FBXO45: variants seen among roughly 807,000 people sequenced by gnomAD.
FBXO45 encodes F-box protein 45.
In FBXO45, 3 loss-of-function variants were observed where a neutral mutation model predicts 25.5. The observed-to-expected ratio is 0.12, with a 90% CI of 0.05 to 0.30. The LOEUF is 0.30. Among genes scored for constraint, FBXO45 ranks in the 10% least tolerant of loss-of-function variants. The pLI, the probability that FBXO45 is intolerant of heterozygous loss-of-function variation, is 1.00. For synonymous variants in FBXO45, 155 were observed against 149.8 expected (o/e 1.03, Z -0.25); for missense variants, 219 against 365.0 (o/e 0.60, Z 3.26).
chr3:196,585,838 T>A lies in FBXO45; in HGVS notation c.*1520T>A, dbSNP rs1054911999. On this transcript the variant is annotated 3_prime_UTR_variant, in exon 3 of 3. Transcript: ENST00000311630. ...GTTCTTGCTGTATGTATGTTTTGTT[T>A]TAAATCTGATTAGGGACACCCAGCA... The A allele has an allele frequency of 2.0e-5, 3 of 152,228 alleles. No homozygotes were observed. The highest frequency in any genetic ancestry group is 2.1e-4 in the South Asian group (1 of 4,830). 9.4% of individuals were successfully genotyped at this position (152,228 alleles called of 1,614,324 possible). A position where few individuals can be genotyped will look rare whatever the true frequency, so the allele number is the denominator to read the frequency against.
intron 2 of FBXO45, among the ~76,000 whole-genome samples, chr3:196,582,610 A>C (rs1267316291): frequency 6.6e-6 from 1 of 151,826 alleles, no homozygotes; most frequent in African/African-American, 2.4e-5. Context: ...AACTAAAAAG[A>C]TGAAACATCC....
chr3:196,573,938 CTTTTTT>C (rs34587292), intron 1 of FBXO45, among the ~76,000 whole-genome samples: 1 of 125,768 alleles, frequency 8.0e-6, no homozygotes, highest in South Asian at 2.4e-4. Context: ...CTTTATTTTC[CTTTTTT>C]TTTTTTTTTT....
In FBXO45 at chr3:196,573,938, C is replaced by CTTT. The variant is rs34587292; in HGVS notation, c.319-3500_319-3498dup. Among the ~76,000 whole-genome samples, 175 of 125,730 alleles carry CTTT rather than the reference C, an allele frequency of 1.4e-3. 4 individuals carry two copies. The highest frequency in any genetic ancestry group is 2.3e-3 in the African/African-American group (76 of 32,644). 82.5% of individuals were successfully genotyped at this position (125,730 alleles called of 152,430 possible). ...ATTTATTAATTTGGTCTTTATTTTC[C>CTTT]TTTTTTTTTTTTTTTTTGAGACAGA... On this transcript the variant is annotated intron_variant, in intron 1 of 2. Transcript: ENST00000311630.
At position 196,569,000 on chromosome 3, in the gene FBXO45, C is replaced by A; in HGVS notation, c.16C>A (p.Pro6Thr). Residue 6 changes from proline (P) to threonine (T), a missense_variant, in exon 1 of 3, where the codon CCG becomes ACG. By Grantham distance (38) the Pro-to-Thr change is conservative. This residue lies in a region of FBXO45 where 138 missense variants were observed against 157.3 expected (regional missense o/e 0.88). Coordinates refer to ENST00000311630, the MANE Select transcript of FBXO45 (RefSeq NM_001105573.2). MAAPA[P>T]GAGAASGGAG... is the part of the protein sequence containing the mutation. ...TGGTGAGGCGATGGCGGCGCCGGCC[C>A]CGGGGGCTGGGGCAGCCTCGGGCGG... The A allele has an allele frequency of 1.0e-6, 1 of 993,794 alleles. No homozygotes were observed. Among genetic ancestry groups the A allele is most frequent in the Non-Finnish European group, 1.2e-6 (1 of 836,608 alleles). 61.6% of individuals were successfully genotyped at this position (993,794 alleles called of 1,614,324 possible). A position where few individuals can be genotyped will look rare whatever the true frequency, so the allele number is the denominator to read the frequency against.
chr3:196,575,914 C>T (rs1011009137), intron 1 of FBXO45, among the ~76,000 whole-genome samples: 12 of 152,102 alleles, frequency 7.9e-5, no homozygotes, highest in Non-Finnish European at 1.3e-4. Flanking sequence ...CGAGTTCAGG[C>T]GATTTGCCCA....
In FBXO45 at chr3:196,588,653, C is replaced by T. The variant is rs1177335936; in HGVS notation, c.*4335C>T. 3.3e-5 allele frequency: 5 copies of T among 152,138 alleles called. No homozygotes were observed. The highest frequency in any genetic ancestry group is 2.0e-4 in the Admixed American group (3 of 15,272). The allele number at this position is 152,138 out of a possible 1,614,324, so 9.4% of individuals were successfully genotyped here. On this transcript the variant is annotated 3_prime_UTR_variant, in exon 3 of 3. Coordinates refer to ENST00000311630, the MANE Select transcript of FBXO45 (RefSeq NM_001105573.2). The surrounding 1 kb of genome is among the most constrained non-coding windows in gnomAD (Gnocchi z 4.2). The stretch of plus-strand genomic sequence containing the variant: ...TATTGATTATTTATTGGTGTCATAT[C>T]GCCCCTAAACTGGGACAGGATCTCT...
rs1267467241 is a variant in FBXO45, at chr3:196,588,569, GT to G, written c.*4255del. ...GTAATCTCTCCTTGAAATTTCCCTA[GT>G]TTTATATATCTATAGTTGACTCATG... is the stretch of plus-strand genomic sequence containing the variant. On this transcript the variant is annotated 3_prime_UTR_variant, in exon 3 of 3. Transcript: ENST00000311630. This position sits in a 1 kb window ranked among gnomAD's most constrained non-coding sequence, Gnocchi z 4.2. 6.6e-6 allele frequency: 1 copy of G among 152,042 alleles called. No individual in the cohort carries two copies. 9.4% of individuals were successfully genotyped at this position (152,042 alleles called of 1,614,324 possible). A position where few individuals can be genotyped will look rare whatever the true frequency, so the allele number is the denominator to read the frequency against.
chr3:196,569,170 G>A lies in FBXO45; in HGVS notation c.186G>A (p.Val62=). 1 of 1,555,684 alleles carries A rather than the reference G, an allele frequency of 6.4e-7. No individual in the cohort carries two copies. The highest frequency in any genetic ancestry group is 8.7e-7 in the Non-Finnish European group (1 of 1,149,882). ...CCGAGCTGCGGAGCTGCGCCCTGGT[G>A]TGCAAGCACTGGTACCGCTGCCTGC... The part of the protein sequence containing the change: ...ELSELRSCAL[V]CKHWYRCLHG... The change falls in exon 1 of 3, where the codon GTG becomes GTA. Residue 62 remains valine (V), a synonymous_variant. Transcript: ENST00000311630. This position sits in a 1 kb window ranked among gnomAD's most constrained non-coding sequence, Gnocchi z 4.1.
chr3:196,579,581 A>T lies in FBXO45; in HGVS notation c.675+1772A>T, dbSNP rs192871428. ...TTCTAATATGTGGTCTGTCTGGATGAGTGTCCCATGTGTGCTTGAAAAAAT... is the reference window on the plus strand; with the variant it reads ...TTCTAATATGTGGTCTGTCTGGATGTGTGTCCCATGTGTGCTTGAAAAAAT... On this transcript the variant is annotated intron_variant, in intron 2 of 2. Transcript: ENST00000311630. Among the ~76,000 whole-genome samples, 417 of 152,312 alleles carry T rather than the reference A, an allele frequency of 2.7e-3. 1 individual carries two copies. Among genetic ancestry groups the T allele is most frequent in the Non-Finnish European group, 3.7e-3 (252 of 68,022 alleles).
chr3:196,578,102 G>A (rs1296200752), intron 2 of FBXO45, among the ~76,000 whole-genome samples: 6 of 136,372 alleles, frequency 4.4e-5, no homozygotes, highest in East Asian at 2.5e-4. Flanking sequence ...GTGCAGTGGC[G>A]CCAACTCGGC....
At chr3:196,578,046 C>CTTTTTTTTTTTGTT (rs1553874564) in intron 2 of FBXO45, among the ~76,000 whole-genome samples, 2 of 94,100 alleles carry the variant, frequency 2.1e-5, no homozygotes, top group African/African-American at 4.6e-5. Context: ...GAAAAATATT[C>CTTTTTTTTTTTGTT]TTTTTTTTTT....
chr3:196,574,381 C>G (rs1322220042), intron 1 of FBXO45, among the ~76,000 whole-genome samples: 1 of 152,126 alleles, frequency 6.6e-6, no homozygotes, highest in African/African-American at 2.4e-5. Flanking sequence ...CCAGTTGTCT[C>G]ATAAATGTTA....
At chr3:196,581,838 T>C (rs984348297) in intron 2 of FBXO45, among the ~76,000 whole-genome samples, 36 of 152,374 alleles carry the variant, frequency 2.4e-4, no homozygotes, top group African/African-American at 8.2e-4. Flanking sequence ...CTGAAAAGTA[T>C]AGGTTTTCTT....
At chr3:196,574,349 C>G (rs1412836733) in intron 1 of FBXO45, among the ~76,000 whole-genome samples, 2 of 152,076 alleles carry the variant, frequency 1.3e-5, no homozygotes, top group African/African-American at 2.4e-5. Context: ...TCCTTAATAT[C>G]AAAAATGCAG....
intron 1 of FBXO45, among the ~76,000 whole-genome samples, chr3:196,571,534 G>T (rs1166390937): frequency 6.6e-6 from 1 of 152,138 alleles, no homozygotes; most frequent in Non-Finnish European, 1.5e-5. Context: ...CCTAAATTAG[G>T]AGTTGTTGTT....
At position 196,586,610 on chromosome 3, in the gene FBXO45, T is replaced by G. The variant is rs912988181; in HGVS notation, c.*2292T>G. ...CAGTGCTCAAGGAGATGGAATATCT[T>G]TGTCATTGGTGCTGAGGAGAGCATT... On this transcript the variant is annotated 3_prime_UTR_variant, in exon 3 of 3. Coordinates refer to ENST00000311630, the MANE Select transcript of FBXO45 (RefSeq NM_001105573.2). 6.6e-6 allele frequency: 1 copy of G among 152,186 alleles called. No homozygotes were observed. The highest frequency in any genetic ancestry group is 2.4e-5 in the African/African-American group (1 of 41,438). The allele number at this position is 152,186 out of a possible 1,614,324, so 9.4% of individuals were successfully genotyped here.
chr3:196,577,110 C>G (rs1235565884), intron 1 of FBXO45, among the ~76,000 whole-genome samples: 2 of 152,206 alleles, frequency 1.3e-5, no homozygotes, highest in Non-Finnish European at 2.9e-5. Context: ...TATTTCAAAG[C>G]AATTCCCAGA....
rs1735935943 is a variant in FBXO45, at chr3:196,577,601, C to T, written c.467C>T (p.Ala156Val). The T allele has an allele frequency of 6.2e-7, 1 of 1,613,904 alleles. No individual in the cohort carries two copies. Among genetic ancestry groups the T allele is most frequent in the South Asian group, 1.1e-5 (1 of 91,074 alleles). The change falls in exon 2 of 3, where the codon GCA becomes GTA. Residue 156 changes from alanine to valine, a missense_variant. Physicochemically the swap from Ala to Val is moderately conservative, Grantham distance 64. Transcript: ENST00000311630. The stretch of plus-strand genomic sequence containing the variant: ...ATTGGTTTCAGTGAGGGCCGCCATG[C>T]ATGGGAAGTGTGGTGGGAGGGCCCT... Reference protein sequence around the residue: ...TKIGFSEGRHAWEVWWEGPLG... With the variant: ...TKIGFSEGRHVWEVWWEGPLG...
intron 2 of FBXO45, among the ~76,000 whole-genome samples, chr3:196,579,914 A>G (rs980292363): frequency 2.6e-5 from 4 of 151,462 alleles, no homozygotes; most frequent in East Asian, 1.9e-4. Flanking sequence ...TCCTCTGTCA[A>G]TCTGTCTTTG....
Sources: allele counts gnomAD v4.1 joint callset (sites outside exome capture counted in the v4.1 genomes callset), GRCh38; gene constraint gnomAD v4.1.1; regional missense constraint gnomAD v4.1.1; non-coding constraint Gnocchi (gnomAD v3.1); transcripts MANE v1.5; gene names NCBI Gene and HGNC (gene_info 2026-07-23, HGNC 2026-07-21).